RAB2A: variants seen among roughly 807,000 people sequenced by gnomAD.
The protein encoded by RAB2A is RAB2A, member RAS oncogene family.
Under a neutral mutation model 32.5 loss-of-function variants are expected in RAB2A, and 7 were observed. That is an observed-to-expected ratio of 0.22 (90% confidence interval 0.12 to 0.40). The LOEUF (loss-of-function observed/expected upper bound fraction) is 0.40, where lower values mean the gene tolerates loss of function less well. Among genes scored for constraint, RAB2A ranks in the 10% least tolerant of loss-of-function variants. The pLI is 1.00. For synonymous variants in RAB2A, 79 were observed against 85.2 expected (o/e 0.93, Z 0.40); for missense variants, 108 against 260.7 (o/e 0.41, Z 4.03).
In RAB2A at chr8:60,621,663, T is replaced by C. The variant is rs77133934; in HGVS notation, c.*894T>C. ...TTTAGATGGCACATTATGAGGACTT[T>C]AATCTTTCCTTAAACACAATAATGT... is the stretch of plus-strand genomic sequence containing the variant. On this transcript the variant is annotated 3_prime_UTR_variant, in exon 8 of 8. Coordinates refer to ENST00000262646, the MANE Select transcript of RAB2A (RefSeq NM_002865.3). 1.7e-3 allele frequency: 252 copies of C among 152,354 alleles called. No individual in the cohort carries two copies. The highest frequency in any genetic ancestry group is 5.8e-3 in the African/African-American group (243 of 41,590). 9.4% of individuals were successfully genotyped at this position (152,354 alleles called of 1,614,324 possible).
chr8:60,563,568 C>T (rs1399022642), intron 2 of RAB2A, among the ~76,000 whole-genome samples: 1 of 152,172 alleles, frequency 6.6e-6, no homozygotes. Flanking sequence ...CTCTCAGTGG[C>T]TTTACTTCTC....
intron 3 of RAB2A, among the ~76,000 whole-genome samples, chr8:60,583,134 G>A (rs1212303262): frequency 2.0e-5 from 3 of 152,020 alleles, no homozygotes; most frequent in African/African-American, 7.2e-5. Flanking sequence ...AATATGAGCC[G>A]TCCATGCGCA....
intron 1 of RAB2A, among the ~76,000 whole-genome samples, chr8:60,554,411 A>T (rs538129847): frequency 2.0e-4 from 30 of 152,328 alleles, no homozygotes; most frequent in Non-Finnish European, 3.7e-4. Flanking sequence ...AATTCCAGAG[A>T]TTAGGAAATA....
At chr8:60,566,215 A>G (rs1010112893) in intron 2 of RAB2A, among the ~76,000 whole-genome samples, 15 of 152,164 alleles carry the variant, frequency 9.9e-5, no homozygotes, top group Admixed American at 9.8e-4. Context: ...AAGCTGTTCT[A>G]ATTTGCACTT....
At chr8:60,554,861 A>G (rs1242861545) in intron 1 of RAB2A, among the ~76,000 whole-genome samples, 3 of 152,166 alleles carry the variant, frequency 2.0e-5, no homozygotes, top group Non-Finnish European at 4.4e-5. Context: ...TCAAAAAAAA[A>G]AAGAAAGAAA....
intron 3 of RAB2A, among the ~76,000 whole-genome samples, chr8:60,583,198 G>C (rs1264414815): frequency 6.6e-6 from 1 of 152,160 alleles, no homozygotes; most frequent in Non-Finnish European, 1.5e-5. Context: ...AACTCAGAAT[G>C]TGTAAACATC....
intron 5 of RAB2A, among the ~76,000 whole-genome samples, chr8:60,587,011 A>G (rs1045916013): frequency 3.3e-5 from 5 of 152,082 alleles, no homozygotes; most frequent in African/African-American, 1.2e-4. Flanking sequence ...GGGAGGGTAG[A>G]TATTGACAAG....
chr8:60,610,820 T>A (rs1307521346), intron 6 of RAB2A, among the ~76,000 whole-genome samples: 1 of 152,202 alleles, frequency 6.6e-6, no homozygotes, highest in Non-Finnish European at 1.5e-5. Flanking sequence ...ACTTACACAC[T>A]CACATTTATC....
At chr8:60,599,198 A>G (rs192195791) in intron 6 of RAB2A, among the ~76,000 whole-genome samples, 251 of 152,260 alleles carry the variant, frequency 1.6e-3, no homozygotes, top group Non-Finnish European at 2.4e-3. Flanking sequence ...AATAAAATGA[A>G]ATACTTAGGG....
chr8:60,618,486 A>G, intron 6 of RAB2A, 94 bp from the exon 7 acceptor site: 1 of 547,122 alleles, frequency 1.8e-6, no homozygotes, highest in Admixed American at 4.1e-5. Flanking sequence ...ATTGACTTTC[A>G]TATGTTGAAT....
At chr8:60,587,136 A>G (rs1022330627) in intron 5 of RAB2A, among the ~76,000 whole-genome samples, 1 of 152,162 alleles carries the variant, frequency 6.6e-6, no homozygotes, top group South Asian at 2.1e-4. Flanking sequence ...ATTATACTAT[A>G]GTCAATTTAC....
intron 6 of RAB2A, among the ~76,000 whole-genome samples, chr8:60,608,764 A>G (rs1804286695): frequency 6.6e-6 from 1 of 152,004 alleles, no homozygotes; most frequent in African/African-American, 2.4e-5. Context: ...GTGCTGAGTG[A>G]TCTTCACACC....
At chr8:60,598,937 C>CAAAAAAAAAAAAAAAAAAAAAA (rs56406651) in intron 6 of RAB2A, among the ~76,000 whole-genome samples, 8 of 40,386 alleles carry the variant, frequency 2.0e-4, no homozygotes, top group Non-Finnish European at 3.1e-4. Context: ...TGCAGTAAAG[C>CAAAAAAAAAAAAAAAAAAAAAA]AAAAAAAAAA....
At chr8:60,587,513 T>C (rs1803870653) in intron 5 of RAB2A, among the ~76,000 whole-genome samples, 1 of 152,182 alleles carries the variant, frequency 6.6e-6, no homozygotes. Flanking sequence ...CAATAAATTG[T>C]TCTTTAACTG....
intron 2 of RAB2A, among the ~76,000 whole-genome samples, chr8:60,561,458 A>C (rs1808024097): frequency 6.6e-6 from 1 of 152,186 alleles, no homozygotes; most frequent in South Asian, 2.1e-4. Context: ...CAGAGCTCAG[A>C]GCTCTTAAGG....
intron 1 of RAB2A, among the ~76,000 whole-genome samples, chr8:60,526,524 AG>A (rs1183457124): frequency 1.1e-4 from 16 of 152,188 alleles, no homozygotes; most frequent in African/African-American, 3.1e-4. Flanking sequence ...CCCCATCTCA[AG>A]GTCTAATCTT....
At chr8:60,554,715 T>A (rs1807907610) in intron 1 of RAB2A, among the ~76,000 whole-genome samples, 1 of 152,096 alleles carries the variant, frequency 6.6e-6, no homozygotes, top group Non-Finnish European at 1.5e-5. Context: ...TAGCTGGGCT[T>A]GGTGGTATAC....
intron 1 of RAB2A, among the ~76,000 whole-genome samples, chr8:60,524,741 T>C (rs925839376): frequency 2.0e-5 from 3 of 152,236 alleles, no homozygotes; most frequent in African/African-American, 7.2e-5. Flanking sequence ...CATCAGTATT[T>C]TTAAAAAGTA....
chr8:60,542,904 C>T (rs530455074), intron 1 of RAB2A, among the ~76,000 whole-genome samples: 1 of 152,240 alleles, frequency 6.6e-6, no homozygotes, highest in South Asian at 2.1e-4. Context: ...AAACTTGATG[C>T]CTGGAATATA....
Sources: allele counts gnomAD v4.1 joint callset (sites outside exome capture counted in the v4.1 genomes callset), GRCh38; gene constraint gnomAD v4.1.1; transcripts MANE v1.5; gene names NCBI Gene and HGNC (gene_info 2026-07-23, HGNC 2026-07-21).